The following ZNF710 variants were observed in gnomAD, a reference collection of about 807,000 sequenced individuals.
The protein encoded by ZNF710 is zinc finger protein 710.
In ZNF710, 13 loss-of-function variants were observed where a neutral mutation model predicts 50.6. The ratio of observed to expected loss-of-function variants is 0.26; its 90% CI spans 0.17 to 0.41. The LOEUF is 0.41. Among genes scored for constraint, ZNF710 ranks in the 10% least tolerant of loss-of-function variants. The probability of loss-of-function intolerance (pLI) is 1.00; values close to 1 mark genes in which losing one functional copy is unlikely to be tolerated. For missense variants in ZNF710, 721 were observed against 936.6 expected, an observed-to-expected ratio of 0.77 and a Z score of 3.01; for synonymous variants, 383 against 397.0, an observed-to-expected ratio of 0.96 and a Z score of 0.42.
intron 1 of ZNF710, among the ~76,000 whole-genome samples, chr15:90,016,512 G>A (rs1296337854): frequency 6.6e-6 from 1 of 152,152 alleles, no homozygotes; most frequent in Admixed American, 6.5e-5. Context: ...TACGATCATA[G>A]CTCACTGCAG....
intron 1 of ZNF710, among the ~76,000 whole-genome samples, chr15:90,060,946 TGAG>T (rs1444373342): frequency 2.0e-5 from 3 of 152,176 alleles, no homozygotes; most frequent in African/African-American, 7.2e-5. Flanking sequence ...AAGGCCAAGA[TGAG>T]GAGCCAACAG....
intron 1 of ZNF710, among the ~76,000 whole-genome samples, chr15:90,047,577 C>T (rs1596286925): frequency 7.3e-6 from 1 of 137,926 alleles, no homozygotes; most frequent in African/African-American, 3.1e-5. Flanking sequence ...AGTTTCTTTT[C>T]TTTTTCTTTT....
intron 1 of ZNF710, among the ~76,000 whole-genome samples, chr15:90,035,634 G>A (rs1029338468): frequency 6.6e-6 from 1 of 152,212 alleles, no homozygotes; most frequent in Non-Finnish European, 1.5e-5. Flanking sequence ...TAGCTGGGGC[G>A]GGAAGCCCCG....
At chr15:90,078,420 C>G (rs1900645435) in intron 4 of ZNF710, among the ~76,000 whole-genome samples, 1 of 152,152 alleles carries the variant, frequency 6.6e-6, no homozygotes, top group Non-Finnish European at 1.5e-5. Flanking sequence ...AGAGTGACAG[C>G]CTGCTCCCCT....
At chr15:90,026,563 C>T (rs866705589) in intron 1 of ZNF710, among the ~76,000 whole-genome samples, 2 of 152,164 alleles carry the variant, frequency 1.3e-5, no homozygotes, top group Non-Finnish European at 2.9e-5. Flanking sequence ...ATGGAGAGCT[C>T]TCCAGTTCAT....
At chr15:90,073,508 G>A (rs532603177) in intron 3 of ZNF710, among the ~76,000 whole-genome samples, 2 of 152,324 alleles carry the variant, frequency 1.3e-5, no homozygotes, top group East Asian at 3.9e-4. Context: ...TGCAGCCACA[G>A]AGAAAGGACC....
chr15:90,017,922 C>CCATG (rs1898499000), intron 1 of ZNF710, among the ~76,000 whole-genome samples: 1 of 152,060 alleles, frequency 6.6e-6, no homozygotes, highest in African/African-American at 2.4e-5. Context: ...ATAATTAAGG[C>CCATG]CATGCCCTAT....
chr15:90,019,224 A>G (rs1898544892), intron 1 of ZNF710, among the ~76,000 whole-genome samples: 2 of 137,840 alleles, frequency 1.5e-5, no homozygotes, highest in Admixed American at 1.5e-4. Context: ...TTACTTTACA[A>G]CATGTGATTA....
intron 1 of ZNF710, among the ~76,000 whole-genome samples, chr15:90,047,251 C>T (rs1160038007): frequency 2.6e-5 from 4 of 152,330 alleles, no homozygotes; most frequent in South Asian, 4.1e-4. Flanking sequence ...CCGTAACTAA[C>T]GTGTGGCCCA....
chr15:90,021,103 G>A (rs947160793), intron 1 of ZNF710, among the ~76,000 whole-genome samples: 3 of 151,830 alleles, frequency 2.0e-5, no homozygotes, highest in Non-Finnish European at 2.9e-5. Context: ...TTTCTCCAGT[G>A]TGTGTTCAGA....
Position 90,067,327 on chromosome 15 carries a change from C to T in ZNF710, c.190C>T (p.Pro64Ser), listed in dbSNP as rs1297757029. 1 of 1,604,852 alleles carries T rather than the reference C, an allele frequency of 6.2e-7. No individual in the cohort carries two copies. The highest frequency in any genetic ancestry group is 1.1e-5 in the South Asian group (1 of 89,788). The change falls in exon 2 of 5, where the codon CCC becomes TCC. Residue 64 changes from proline to serine, a missense_variant. Physicochemically the swap from Pro to Ser is moderately conservative, Grantham distance 74. Around this residue, in one of 3 missense-constraint regions of ZNF710, gnomAD observed 326 missense variants for 347.1 expected, o/e 0.94. Transcript: ENST00000268154. The surrounding 1 kb of genome is among the most constrained non-coding windows in gnomAD (Gnocchi z 8.1). ...CATGGGAGAGCCCGAGCCACCAGGCCCCGACGTCTACCAGCTGGCCTGCAA... is the reference window on the plus strand; with the variant it reads ...CATGGGAGAGCCCGAGCCACCAGGCTCCGACGTCTACCAGCTGGCCTGCAA... ...AAMGEPEPPG[P>S]DVYQLACNGR...
intron 1 of ZNF710, among the ~76,000 whole-genome samples, chr15:90,041,874 C>A (rs551859195): frequency 1.9e-3 from 292 of 150,860 alleles, no homozygotes; most frequent in African/African-American, 6.8e-3. Context: ...ATATCTGCCC[C>A]ATGCCTCTTT....
intron 1 of ZNF710, among the ~76,000 whole-genome samples, chr15:90,046,142 G>A (rs2151501377): frequency 6.6e-6 from 1 of 152,326 alleles, no homozygotes; most frequent in East Asian, 1.9e-4. Context: ...TGAGATGTCA[G>A]TGGCCTGGGC....
chr15:90,071,168 G>A (rs1900367881), intron 2 of ZNF710, among the ~76,000 whole-genome samples: 1 of 151,820 alleles, frequency 6.6e-6, no homozygotes, highest in East Asian at 1.9e-4. Context: ...GGCTGAGGCA[G>A]GAGAATTGCT....
At chr15:90,016,581 A>G (rs148847590) in intron 1 of ZNF710, among the ~76,000 whole-genome samples, 231 of 152,258 alleles carry the variant, frequency 1.5e-3, no homozygotes, top group African/African-American at 5.2e-3. Flanking sequence ...AGCTGGGACT[A>G]CAGGCATGTA....
intron 1 of ZNF710, among the ~76,000 whole-genome samples, chr15:90,007,294 TC>T (rs1421077812): frequency 6.6e-6 from 1 of 152,110 alleles, no homozygotes; most frequent in Non-Finnish European, 1.5e-5. Flanking sequence ...GCTCAATAGT[TC>T]CATGCATGGG....
intron 1 of ZNF710, among the ~76,000 whole-genome samples, chr15:90,033,630 C>T (rs1204482895): frequency 6.6e-6 from 1 of 152,180 alleles, no homozygotes; most frequent in East Asian, 1.9e-4. Context: ...ATGATCATAG[C>T]TCACTGCAGC....
chr15:90,063,838 C>A (rs988029041), intron 1 of ZNF710, among the ~76,000 whole-genome samples: 22 of 152,142 alleles, frequency 1.4e-4, no homozygotes, highest in African/African-American at 5.1e-4. Context: ...CGGGAGGGGG[C>A]TGATTCCTGG....
In ZNF710 at chr15:90,034,260, GTTC is replaced by G. The variant is rs1168774609; in HGVS notation, c.-29+32651_-29+32653del. Among the ~76,000 whole-genome samples, 1 of 152,084 alleles carries G rather than the reference GTTC, an allele frequency of 6.6e-6. No homozygotes were observed. Among genetic ancestry groups the G allele is most frequent in the Non-Finnish European group, 1.5e-5 (1 of 68,008 alleles). ...GTGAACGACAGTCACTCCTGGAGGG[GTTC>G]TTCTGCCAGATAGAAACAAGATATC... On this transcript the variant is annotated intron_variant, in intron 1 of 4. Transcript: ENST00000268154. The surrounding 1 kb of genome is among the most constrained non-coding windows in gnomAD (Gnocchi z 4.0).
Sources: gnomAD v4.1 joint callset for allele counts (sites outside exome capture counted in the v4.1 genomes callset) on GRCh38, gnomAD v4.1.1 for gene constraint, gnomAD v4.1.1 regional missense constraint, Gnocchi (gnomAD v3.1) non-coding constraint, MANE v1.5 for transcripts, NCBI Gene and HGNC (gene_info 2026-07-23, HGNC 2026-07-21) for gene names.